AGBL3: variants seen among roughly 807,000 people sequenced by gnomAD.
The protein encoded by AGBL3 is cytosolic carboxypeptidase 3.
AGBL3 carries 68 observed loss-of-function variants against 94.5 expected under a neutral mutation model. The observed-to-expected ratio is 0.72, with a 90% confidence interval of 0.59 to 0.88. The LOEUF is 0.88. AGBL3 is among the 40% of genes least tolerant of loss of function. The pLI is 0.00. For synonymous variants in AGBL3, 354 were observed against 370.7 expected, an observed-to-expected ratio of 0.95 and a Z score of 0.52; for missense variants, 934 against 1,103.8, an observed-to-expected ratio of 0.85 and a Z score of 2.18.
At position 135,045,854 on chromosome 7, in the gene AGBL3, A is replaced by C; in HGVS notation, c.1784A>C (p.Lys595Thr). ...ATGGAAAGACATATAACCCTGGAAA[A>C]AGTCTTTGAGGATTCAGACACACCT... is the stretch of plus-strand genomic sequence containing the variant. ...EEMERHITLE[K>T]VFEDSDTPVI... Residue 595 changes from lysine to threonine, a missense_variant, in exon 11 of 17, where the codon AAA becomes ACA. Around this residue, in one of 3 missense-constraint regions of AGBL3, gnomAD observed 441 missense variants for 518.2 expected, o/e 0.85. Transcript: ENST00000436302. 1 of 1,550,868 alleles carries C rather than the reference A, an allele frequency of 6.4e-7. No individual in the cohort carries two copies. Among genetic ancestry groups the C allele is most frequent in the Non-Finnish European group, 8.7e-7 (1 of 1,146,400 alleles).
intron 15 of AGBL3, among the ~76,000 whole-genome samples, chr7:135,088,660 G>A (rs1284433286): frequency 6.6e-6 from 1 of 151,912 alleles, no homozygotes; most frequent in Admixed American, 6.6e-5. Context: ...TTCTTGACTG[G>A]CAATTTTTTT....
chr7:135,107,058 C>T (rs1824834477), intron 15 of AGBL3, among the ~76,000 whole-genome samples: 1 of 151,954 alleles, frequency 6.6e-6, no homozygotes, highest in Non-Finnish European at 1.5e-5. Flanking sequence ...TGGTAACATC[C>T]CCTTTGTCAT....
At chr7:135,030,730 C>T (rs1015289293) in intron 5 of AGBL3, among the ~76,000 whole-genome samples, 3 of 151,968 alleles carry the variant, frequency 2.0e-5, no homozygotes, top group African/African-American at 7.3e-5. Flanking sequence ...TAGATACGTC[C>T]CCCCATGTCA....
Position 135,091,843 on chromosome 7 carries a change from G to A in AGBL3, c.2110+10053G>A, listed in dbSNP as rs528608888. ...CATCATTTAAGGCATAAGCACCAAG[G>A]TTTAATAAGATTCAAACAGTTCCTT... is the stretch of plus-strand genomic sequence containing the variant. On this transcript the variant is annotated intron_variant, in intron 15 of 16. Coordinates refer to ENST00000436302, the MANE Select transcript of AGBL3 (RefSeq NM_178563.4). Among the ~76,000 whole-genome samples the A allele has an allele frequency of 2.6e-5, 4 of 152,258 alleles. 1 individual carries two copies. The South Asian group carries it at 8.3e-4, about 32-fold the overall frequency.
At chr7:135,036,085 T>C (rs1334164534) in intron 7 of AGBL3, among the ~76,000 whole-genome samples, 8 of 152,124 alleles carry the variant, frequency 5.3e-5, no homozygotes, top group Admixed American at 5.2e-4. Context: ...TAGGTTTTAG[T>C]ATTTTTGTTA....
chr7:135,131,832 A>T (rs903096633), intron 16 of AGBL3, among the ~76,000 whole-genome samples: 4 of 152,152 alleles, frequency 2.6e-5, no homozygotes, highest in Non-Finnish European at 5.9e-5. Context: ...AAAGACATAA[A>T]TTACTAACAT....
rs1816122466 is a variant in AGBL3 at position 135,034,706 on chromosome 7, G to A, written c.1115G>A (p.Trp372Ter). ...RVHPGETNSS[W>*]IMKGFLDYIL... Reference sequence around the variant, plus strand: ...CATCCAGGGGAAACCAACAGCTCTTGGATCATGAAAGGCTTCCTAGATTAT... The same window carrying A: ...CATCCAGGGGAAACCAACAGCTCTTAGATCATGAAAGGCTTCCTAGATTAT... The change falls in exon 7 of 17, where the codon TGG becomes TAG. Residue 372 changes from tryptophan (W) to a stop codon, truncating the protein, a stop_gained. Transcript: ENST00000436302. LOFTEE classifies it high-confidence loss of function. The A allele has an allele frequency of 6.4e-7, 1 of 1,550,788 alleles. No homozygotes were observed. The highest frequency in any genetic ancestry group is 2.0e-5 in the Admixed American group (1 of 50,896).
intron 16 of AGBL3, chr7:135,128,581 GT>G: frequency 1.3e-6 from 1 of 771,034 alleles, no homozygotes; most frequent in African/African-American, 1.7e-5. Context: ...ATTTCAAGAT[GT>G]TTGTGAGCGC....
At chr7:135,012,559 G>A (rs1369342561) in intron 4 of AGBL3, 1 of 152,094 alleles carries the variant, frequency 6.6e-6, no homozygotes, top group African/African-American at 2.4e-5. Context: ...TGTTTGGGTA[G>A]ATTTTTTTAA....
At chr7:135,006,930 G>A (rs73725204) in intron 4 of AGBL3, among the ~76,000 whole-genome samples, 5,586 of 151,918 alleles carry the variant, frequency 0.037, 334 homozygotes, top group African/African-American at 0.13. Context: ...AAATAACTAA[G>A]ATGAAATGGA....
At chr7:134,992,091 C>A (rs1334987305) in intron 3 of AGBL3, among the ~76,000 whole-genome samples, 1 of 152,228 alleles carries the variant, frequency 6.6e-6, no homozygotes, top group Non-Finnish European at 1.5e-5. Context: ...CACAGCAGGA[C>A]TAGAACTCTT....
intron 4 of AGBL3, among the ~76,000 whole-genome samples, chr7:135,009,851 A>T (rs936309767): frequency 4.6e-5 from 7 of 152,224 alleles, no homozygotes; most frequent in African/African-American, 1.7e-4. Context: ...GTTCAGCAGC[A>T]TCTGCCTTCA....
In AGBL3 at chr7:135,115,661, A is replaced by T. The variant is rs565589064; in HGVS notation, c.2342+50A>T. ...CTTATCTATTTAACACATCTTTTTT[A>T]AAAAAGCAGGGCTTATTAATTTATT... is the stretch of plus-strand genomic sequence containing the variant. On this transcript the variant is annotated intron_variant, in intron 16 of 16. Coordinates refer to ENST00000436302, the MANE Select transcript of AGBL3 (RefSeq NM_178563.4). The T allele has an allele frequency of 4.4e-5, 61 of 1,379,340 alleles. No individual in the cohort carries two copies. The East Asian group carries it at 5.6e-4, about 13-fold the overall frequency. 85.4% of individuals were successfully genotyped at this position (1,379,340 alleles called of 1,614,324 possible). A position where few individuals can be genotyped will look rare whatever the true frequency, so the allele number is the denominator to read the frequency against.
In AGBL3 at chr7:135,135,051, C is replaced by T. The variant is rs922893098; in HGVS notation, c.2553C>T (p.Asp851=). ...HSQIWAIKNE[D]IKPLSSKWET... Reference sequence around the variant, plus strand: ...AAATCTGGGCCATAAAGAATGAAGACATAAAACCTCTCAGCAGCAAGTGGG... The same window carrying T: ...AAATCTGGGCCATAAAGAATGAAGATATAAAACCTCTCAGCAGCAAGTGGG... The change falls in exon 17 of 17, where the codon GAC becomes GAT. Residue 851 remains aspartate, a synonymous_variant. Coordinates refer to ENST00000436302, the MANE Select transcript of AGBL3 (RefSeq NM_178563.4). The T allele has an allele frequency of 1.9e-6, 3 of 1,551,186 alleles. No homozygotes were observed. The African/African-American group carries it at 4.1e-5, about 21-fold the overall frequency.
chr7:135,102,556 T>C (rs1419131309), intron 15 of AGBL3, among the ~76,000 whole-genome samples: 1 of 151,914 alleles, frequency 6.6e-6, no homozygotes, highest in African/African-American at 2.4e-5. Context: ...CAGTAGACCA[T>C]TTCATGAAGG....
chr7:135,097,712 T>G (rs967530244), intron 15 of AGBL3, among the ~76,000 whole-genome samples: 1 of 152,128 alleles, frequency 6.6e-6, no homozygotes, highest in Non-Finnish European at 1.5e-5. Context: ...TGAATGAGAC[T>G]TCTGACTTTA....
At chr7:135,130,975 T>A (rs1562907983) in intron 16 of AGBL3, among the ~76,000 whole-genome samples, 1 of 152,208 alleles carries the variant, frequency 6.6e-6, no homozygotes, top group Non-Finnish European at 1.5e-5. Context: ...GAGAACATAT[T>A]GTTTTTTTCC....
chr7:135,064,372 G>T (rs1273880853), intron 12 of AGBL3, among the ~76,000 whole-genome samples: 2 of 152,208 alleles, frequency 1.3e-5, no homozygotes, highest in Non-Finnish European at 2.9e-5. Context: ...GTAGGCTTCG[G>T]ACTTCAGTTT....
chr7:135,080,426 A>C (rs1157038446), intron 14 of AGBL3, among the ~76,000 whole-genome samples, 166 bp downstream of exon 14: 1 of 152,208 alleles, frequency 6.6e-6, no homozygotes, highest in Non-Finnish European at 1.5e-5. Context: ...CAGGAAAGAA[A>C]CAACAACAAT....
Sources: allele counts gnomAD v4.1 joint callset (sites outside exome capture counted in the v4.1 genomes callset), GRCh38; gene constraint gnomAD v4.1.1; regional missense constraint gnomAD v4.1.1; transcripts MANE v1.5; gene names NCBI Gene and HGNC (gene_info 2026-07-23, HGNC 2026-07-21).